Variants in PCDHGA1 observed in about 807,000 individuals in gnomAD.
The protein encoded by PCDHGA1 is protocadherin gamma-A1.
In PCDHGA1, 32 loss-of-function variants were observed where a neutral mutation model predicts 58.0. That is an observed-to-expected ratio of 0.55 (90% confidence interval 0.42 to 0.74). The LOEUF is 0.74. Among genes scored for constraint, PCDHGA1 ranks in the 30% least tolerant of loss-of-function variants. PCDHGA1 has a pLI of 0.00. For missense variants in PCDHGA1, 1,205 were observed against 1,182.3 expected (o/e 1.02, Z -0.28); for synonymous variants, 498 against 501.1 (o/e 0.99, Z 0.08).
At chr5:141,397,668 C>T (rs1455080741) in intron 1 of PCDHGA1, among the ~76,000 whole-genome samples, 3 of 152,224 alleles carry the variant, frequency 2.0e-5, no homozygotes, top group African/African-American at 7.2e-5. Flanking sequence ...AAAGAATGGA[C>T]CAATGTATGC....
intron 1 of PCDHGA1, chr5:141,362,643 G>A: frequency 6.8e-7 from 1 of 1,460,260 alleles, no homozygotes; most frequent in Non-Finnish European, 9.1e-7. Flanking sequence ...TTCTTTGTCT[G>A]TGAGTTAGAT....
At chr5:141,390,045 T>G in intron 1 of PCDHGA1, 1 of 1,614,076 alleles carries the variant, frequency 6.2e-7, no homozygotes, top group Non-Finnish European at 8.5e-7. Context: ...CAGCCCCGCC[T>G]CCTGGAGCTG....
In PCDHGA1 at chr5:141,366,878, A is replaced by AT. The variant is rs994289295; in HGVS notation, c.2421+33781dup. ...ACATTATTTGCTGTATTGGAGATTAATTTTTTTTATATAATTCATGCTTTC... is the reference window on the plus strand; with the variant it reads ...ACATTATTTGCTGTATTGGAGATTAATTTTTTTTTATATAATTCATGCTTTC... On this transcript the variant is annotated intron_variant, in intron 1 of 3. Coordinates refer to ENST00000517417, the MANE Select transcript of PCDHGA1 (RefSeq NM_018912.3). 4.5e-5 allele frequency: 61 copies of AT among 1,341,282 alleles called. No individual in the cohort carries two copies. The Admixed American group carries it at 4.7e-4, about 10-fold the overall frequency. 83.1% of individuals were successfully genotyped at this position (1,341,282 alleles called of 1,614,324 possible).
chr5:141,376,169 G>A (rs779538880), intron 1 of PCDHGA1: 6 of 1,614,106 alleles, frequency 3.7e-6, no homozygotes, highest in African/African-American at 2.7e-5. Context: ...CCTGGTGGTG[G>A]CGGTGGCCGC....
chr5:141,399,373 GT>G, intron 1 of PCDHGA1: 1 of 1,613,982 alleles, frequency 6.2e-7, no homozygotes. Context: ...GGAGTACAAT[GT>G]CACCATCACA....
rs537196945 is a variant in PCDHGA1 at position 141,470,749 on chromosome 5, G to A, written c.2422-24058G>A. 3.9e-5 allele frequency among the ~76,000 whole-genome samples: 6 copies of A among 152,260 alleles called. No individual in the cohort carries two copies. The East Asian group carries it at 7.7e-4, about 20-fold the overall frequency. On this transcript the variant is annotated intron_variant, in intron 1 of 3. Coordinates refer to ENST00000517417, the MANE Select transcript of PCDHGA1 (RefSeq NM_018912.3). ...GTCTTGCTCTGTCGCCCTGGCTGGAGTGCAGTGGACTCACTACAGTCTTGA... is the reference window on the plus strand; with the variant it reads ...GTCTTGCTCTGTCGCCCTGGCTGGAATGCAGTGGACTCACTACAGTCTTGA...
At chr5:141,488,738 ATGCAGGAAGT>A (rs771423337) in intron 1 of PCDHGA1, among the ~76,000 whole-genome samples, 1 of 152,222 alleles carries the variant, frequency 6.6e-6, no homozygotes, top group Non-Finnish European at 1.5e-5. Flanking sequence ...TTCTGAAGTC[ATGCAGGAAGT>A]TGCTGGGACA....
At chr5:141,406,531 C>T (rs1303471087) in intron 1 of PCDHGA1, among the ~76,000 whole-genome samples, 1 of 152,102 alleles carries the variant, frequency 6.6e-6, no homozygotes, top group African/African-American at 2.4e-5. Flanking sequence ...TATTTTCTGA[C>T]GAAGATTCAA....
chr5:141,423,170 A>G, intron 1 of PCDHGA1: 8 of 1,613,504 alleles, frequency 5.0e-6, no homozygotes, highest in Non-Finnish European at 6.8e-6. Context: ...GTGGCCGTCC[A>G]GGACCACGGC....
intron 1 of PCDHGA1, chr5:141,421,647 G>C: frequency 6.2e-7 from 1 of 1,613,872 alleles, no homozygotes; most frequent in South Asian, 1.1e-5. Context: ...ACGAAGTGGA[G>C]ATAAAAGTCA....
chr5:141,360,535 A>G lies in PCDHGA1; in HGVS notation c.2421+27430A>G, dbSNP rs376637010. ...TATAAATGATAATACCCCGCTATTC[A>G]AACAGACTAAGATTAATTTAAAAAT... On this transcript the variant is annotated intron_variant, in intron 1 of 3. Coordinates refer to ENST00000517417, the MANE Select transcript of PCDHGA1 (RefSeq NM_018912.3). 1.9e-6 allele frequency: 3 copies of G among 1,613,976 alleles called. No homozygotes were observed. The South Asian group carries it at 3.3e-5, about 18-fold the overall frequency.
intron 1 of PCDHGA1, among the ~76,000 whole-genome samples, chr5:141,451,493 T>C (rs1554137340): frequency 2.0e-5 from 3 of 152,230 alleles, no homozygotes; most frequent in Admixed American, 2.0e-4. Context: ...TGGACCTCCA[T>C]AGGGCAACCA....
chr5:141,418,589 C>G lies in PCDHGA1; in HGVS notation c.2422-76218C>G, dbSNP rs184213052. ...CAATGACAACCCCCCAGTGTTCAGC[C>G]AGGACGTGTACAGGGTTAGCCTTCG... On this transcript the variant is annotated intron_variant, in intron 1 of 3. Transcript: ENST00000517417. 5.5e-4 allele frequency: 884 copies of G among 1,614,012 alleles called. 4 individuals carry two copies. Among genetic ancestry groups the G allele is most frequent in the South Asian group, 4.0e-3 (361 of 91,086 alleles).
In PCDHGA1 at chr5:141,395,138, C is replaced by T. The variant is rs147992300; in HGVS notation, c.2421+62033C>T. 1,238 of 1,614,204 alleles carry T rather than the reference C, an allele frequency of 7.7e-4. 19 individuals are homozygous for T. In the East Asian group the frequency reaches 0.018, roughly 24 times the overall value. On this transcript the variant is annotated intron_variant, in intron 1 of 3. Transcript: ENST00000517417. ...ACCTGATCTTTCCCCAGCCCAACTA[C>T]GCAGACATGCTCATCAGTCAGGAGG...
chr5:141,491,795 C>G lies in PCDHGA1; in HGVS notation c.2422-3012C>G. The G allele has an allele frequency of 6.6e-7, 1 of 1,511,694 alleles. No individual in the cohort carries two copies. The highest frequency in any genetic ancestry group is 8.8e-7 in the Non-Finnish European group (1 of 1,130,430). The allele number at this position is 1,511,694 out of a possible 1,614,324, so 93.6% of individuals were successfully genotyped here. On this transcript the variant is annotated intron_variant, in intron 1 of 3. Transcript: ENST00000517417. The surrounding 1 kb of genome is among the most constrained non-coding windows in gnomAD (Gnocchi z 6.9). ...GGATTGAACTTGCATCCACTCCTCT[C>G]CGGCCGGCTTGGTCGCTGGCTGCGC...
chr5:141,410,640 G>A (rs747132686), intron 1 of PCDHGA1: 1 of 1,599,056 alleles, frequency 6.3e-7, no homozygotes, highest in Non-Finnish European at 8.5e-7. Flanking sequence ...TCTTTTTTGT[G>A]TGTGATTTAT....
In PCDHGA1 at chr5:141,487,844, A is replaced by T; in HGVS notation, c.2422-6963A>T. The T allele has an allele frequency of 1.9e-6, 2 of 1,043,194 alleles. No individual in the cohort carries two copies. The highest frequency in any genetic ancestry group is 2.7e-6 in the Non-Finnish European group (2 of 730,908). The allele number at this position is 1,043,194 out of a possible 1,614,324, so 64.6% of individuals were successfully genotyped here. ...CGGGTCATGCCTATATCTGAGTAAG[A>T]AATGAAAGTAATTGGTGATCAAGAG... On this transcript the variant is annotated intron_variant, in intron 1 of 3. Transcript: ENST00000517417. This position sits in a 1 kb window ranked among gnomAD's most constrained non-coding sequence, Gnocchi z 5.0.
chr5:141,348,219 G>A (rs1758082316), intron 1 of PCDHGA1, among the ~76,000 whole-genome samples: 1 of 152,158 alleles, frequency 6.6e-6, no homozygotes, highest in African/African-American at 2.4e-5. Context: ...CAATATATTA[G>A]GAAAAGGCAC....
At position 141,431,035 on chromosome 5, in the gene PCDHGA1, G is replaced by C; in HGVS notation, c.2422-63772G>C. The C allele has an allele frequency of 6.2e-7, 1 of 1,614,186 alleles. No individual in the cohort carries two copies. Among genetic ancestry groups the C allele is most frequent in the South Asian group, 1.1e-5 (1 of 91,086 alleles). ...TGGTCACGGCGGGCAGGATAGACCG[G>C]GAGGAGCTCTGTATGGGGGCCATCA... On this transcript the variant is annotated intron_variant, in intron 1 of 3. Transcript: ENST00000517417. The surrounding 1 kb of genome is among the most constrained non-coding windows in gnomAD (Gnocchi z 4.8).
Sources: gnomAD v4.1 joint callset for allele counts (sites outside exome capture counted in the v4.1 genomes callset) on GRCh38, gnomAD v4.1.1 for gene constraint, Gnocchi (gnomAD v3.1) non-coding constraint, MANE v1.5 for transcripts, NCBI Gene and HGNC (gene_info 2026-07-23, HGNC 2026-07-21) for gene names.